TENM2: variants seen among roughly 807,000 people sequenced by gnomAD.
The protein encoded by TENM2 is teneurin-2.
Under a neutral mutation model 245.2 loss-of-function variants are expected in TENM2, and 52 were observed. That is an observed-to-expected ratio of 0.21 (90% CI 0.17 to 0.27). TENM2 has a LOEUF of 0.27. Ranked by LOEUF, TENM2 falls within the 10% of genes least tolerant of loss-of-function variation. The pLI, the probability that TENM2 is intolerant of heterozygous loss-of-function variation, is 1.00. For missense variants in TENM2, 3,046 were observed against 3,666.8 expected, an observed-to-expected ratio of 0.83 and a Z score of 4.37; for synonymous variants, 1,363 against 1,438.9, an observed-to-expected ratio of 0.95 and a Z score of 1.19.
At chr5:168,193,307 A>G (rs1761115726) in intron 14 of TENM2, among the ~76,000 whole-genome samples, 1 of 152,244 alleles carries the variant, frequency 6.6e-6, no homozygotes, top group South Asian at 2.1e-4. Context: ...AGTAAAAAAG[A>G]ACTCGAAAAT....
At chr5:167,824,515 G>A (rs1461174692) in intron 2 of TENM2, among the ~76,000 whole-genome samples, 1 of 152,160 alleles carries the variant, frequency 6.6e-6, no homozygotes, top group Non-Finnish European at 1.5e-5. Context: ...TGGAAGCCAA[G>A]GGGCAGGGGT....
chr5:167,407,824 A>G (rs1032865711), intron 2 of TENM2, among the ~76,000 whole-genome samples: 1 of 152,130 alleles, frequency 6.6e-6, no homozygotes, highest in Non-Finnish European at 1.5e-5. Context: ...CTCAACAATA[A>G]CCACAACAAA....
At chr5:167,418,072 G>A (rs749286513) in intron 2 of TENM2, among the ~76,000 whole-genome samples, 3 of 152,186 alleles carry the variant, frequency 2.0e-5, no homozygotes, top group Non-Finnish European at 2.9e-5. Flanking sequence ...GCTCACGCCT[G>A]TAATCCCAGC....
exon 15 of TENM2, chr5:168,195,223 C>T (rs1193623190): frequency 6.2e-6 from 10 of 1,608,360 alleles, no homozygotes; most frequent in African/African-American, 2.7e-5. Context: ...GATGGAACTC[C>T]CCTGGTCGGT....
At chr5:167,970,339 A>G (rs1781685480) in intron 4 of TENM2, among the ~76,000 whole-genome samples, 1 of 152,124 alleles carries the variant, frequency 6.6e-6, no homozygotes, top group African/African-American at 2.4e-5. Context: ...CATCTCTTTT[A>G]AGCTATCATC....
intron 3 of TENM2, chr5:167,952,315 A>G: frequency 1.8e-6 from 1 of 556,814 alleles, no homozygotes; most frequent in Non-Finnish European, 3.2e-6. Flanking sequence ...GTTTCAAATA[A>G]TTCCTCTGGT....
At chr5:167,630,140 T>A (rs1778771756) in intron 2 of TENM2, among the ~76,000 whole-genome samples, 1 of 152,190 alleles carries the variant, frequency 6.6e-6, no homozygotes, top group African/African-American at 2.4e-5. Context: ...GCATCCTTTT[T>A]TTTTTTTCCG....
At chr5:167,690,871 G>A (rs368187664) in intron 2 of TENM2, among the ~76,000 whole-genome samples, 130 of 150,294 alleles carry the variant, frequency 8.6e-4, no homozygotes, top group Middle Eastern at 6.9e-3. Flanking sequence ...ATGTATGTAC[G>A]TATATATTCG....
chr5:167,060,797 C>T, the TENM2 span, among the ~76,000 whole-genome samples: 1 of 151,404 alleles, frequency 6.6e-6, no homozygotes, highest in Admixed American at 6.6e-5. Flanking sequence ...TATATTGAGT[C>T]TTTGAAAGCC....
At chr5:167,971,888 A>G (rs1303691984) in intron 4 of TENM2, among the ~76,000 whole-genome samples, 2 of 152,208 alleles carry the variant, frequency 1.3e-5, no homozygotes, top group Non-Finnish European at 2.9e-5. Flanking sequence ...GAAGCTCAGA[A>G]AGTTCCACAA....
intron 13 of TENM2, among the ~76,000 whole-genome samples, chr5:168,188,076 T>C (rs981777114): frequency 6.6e-6 from 1 of 152,208 alleles, no homozygotes; most frequent in Non-Finnish European, 1.5e-5. Flanking sequence ...TCCTAATTTG[T>C]TTGTTTGCTA....
chr5:167,765,743 A>G (rs974776064), intron 2 of TENM2, among the ~76,000 whole-genome samples: 4 of 152,200 alleles, frequency 2.6e-5, no homozygotes, highest in African/African-American at 9.7e-5. Context: ...TTCAGGCCGA[A>G]GATGCACAGA....
At chr5:167,084,327 T>TTTTATATATATATA in the TENM2 span, among the ~76,000 whole-genome samples, 115 of 23,182 alleles carry the variant, frequency 5.0e-3, 1 homozygote, top group Non-Finnish European at 0.011. Flanking sequence ...GCCATTTTAG[T>TTTTATATATATATA]TATATATATA....
intron 25 of TENM2, among the ~76,000 whole-genome samples, chr5:168,239,749 TTATAG>T (rs1355964248): frequency 6.6e-6 from 1 of 152,196 alleles, no homozygotes; most frequent in Admixed American, 6.5e-5. Flanking sequence ...TGATTACATA[TTATAG>T]TATATTATGC....
chr5:168,116,838 G>A (rs79709469), intron 9 of TENM2, among the ~76,000 whole-genome samples: 5 of 152,238 alleles, frequency 3.3e-5, no homozygotes, highest in South Asian at 4.2e-4. Flanking sequence ...GGCACAGGGC[G>A]CTCACCCGGG....
At chr5:167,880,118 C>A (rs144135090) in intron 3 of TENM2, among the ~76,000 whole-genome samples, 1 of 152,046 alleles carries the variant, frequency 6.6e-6, no homozygotes, top group African/African-American at 2.4e-5. Flanking sequence ...CTGCAACCTC[C>A]GCCCCCCAGG....
chr5:168,013,816 G>C (rs763817236), intron 5 of TENM2, among the ~76,000 whole-genome samples: 1 of 152,180 alleles, frequency 6.6e-6, no homozygotes, highest in Non-Finnish European at 1.5e-5. Context: ...GGTTCTGGAG[G>C]CTGGAAGTCC....
At chr5:167,993,151 C>T (rs1783794707) in exon 5 of TENM2, 5 of 1,613,890 alleles carry the variant, frequency 3.1e-6, no homozygotes, top group Admixed American at 3.3e-5. Context: ...CCGCGGCCCT[C>T]CTCTTGGCTA....
At chr5:167,807,677 G>A (rs1473794274) in intron 2 of TENM2, among the ~76,000 whole-genome samples, 2 of 151,256 alleles carry the variant, frequency 1.3e-5, no homozygotes, top group Non-Finnish European at 2.9e-5. Context: ...GTGTGACTTA[G>A]GGAAGAGGCA....
Sources: allele counts gnomAD v4.1 joint callset (sites outside exome capture counted in the v4.1 genomes callset), GRCh38; gene constraint gnomAD v4.1.1; transcripts MANE v1.5; gene names NCBI Gene and HGNC (gene_info 2026-07-23, HGNC 2026-07-21).